Variants in KDM4C observed in about 807,000 individuals in gnomAD.
KDM4C encodes the protein lysine demethylase 4C.
KDM4C carries 81 observed loss-of-function variants against 129.3 expected under a neutral mutation model. The observed-to-expected ratio is 0.63, with a 90% CI of 0.52 to 0.75. The LOEUF is 0.75. KDM4C is among the 30% of genes least tolerant of loss of function. KDM4C has a pLI of 0.00. For synonymous variants in KDM4C, 573 were observed against 456.1 expected (o/e 1.26, Z -3.26); for missense variants, 1,457 against 1,304.0 (o/e 1.12, Z -1.81).
chr9:6,865,340 C>A (rs1841759038), intron 5 of KDM4C, among the ~76,000 whole-genome samples: 1 of 152,078 alleles, frequency 6.6e-6, no homozygotes, highest in Admixed American at 6.6e-5. Context: ...TTCTTGAACT[C>A]CTTTTCTGTG....
At chr9:6,918,605 C>T (rs1198395688) in intron 8 of KDM4C, among the ~76,000 whole-genome samples, 1 of 152,084 alleles carries the variant, frequency 6.6e-6, no homozygotes, top group Non-Finnish European at 1.5e-5. Flanking sequence ...AACAGCTTTC[C>T]ATAGTGGTTG....
intron 8 of KDM4C, among the ~76,000 whole-genome samples, chr9:6,954,967 T>C (rs1828809782): frequency 6.6e-6 from 1 of 152,242 alleles, no homozygotes; most frequent in African/African-American, 2.4e-5. Flanking sequence ...GCAGGAGGCA[T>C]CAGGGACTTT....
chr9:6,944,494 T>C (rs886290401), intron 8 of KDM4C, among the ~76,000 whole-genome samples: 2 of 152,188 alleles, frequency 1.3e-5, no homozygotes, highest in Non-Finnish European at 2.9e-5. Flanking sequence ...TAAATTAGGG[T>C]ATGATCAAAT....
chr9:7,047,140 C>T (rs928002036), intron 16 of KDM4C, among the ~76,000 whole-genome samples: 1 of 151,950 alleles, frequency 6.6e-6, no homozygotes, highest in Non-Finnish European at 1.5e-5. Flanking sequence ...TTGTATTTGA[C>T]ACCATGAAAA....
chr9:6,832,565 A>G (rs1835049270), intron 4 of KDM4C, among the ~76,000 whole-genome samples: 1 of 145,584 alleles, frequency 6.9e-6, no homozygotes, highest in African/African-American at 2.5e-5. Flanking sequence ...AGCTGGGACT[A>G]CAGGCGCCCG....
At chr9:6,851,481 C>T (rs963793241) in intron 5 of KDM4C, among the ~76,000 whole-genome samples, 2 of 152,030 alleles carry the variant, frequency 1.3e-5, no homozygotes, top group Non-Finnish European at 2.9e-5. Context: ...TCTTGATGCT[C>T]TTTCTGACAT....
chr9:7,039,075 T>C (rs897960856), intron 15 of KDM4C, among the ~76,000 whole-genome samples: 2 of 152,058 alleles, frequency 1.3e-5, no homozygotes, highest in East Asian at 3.8e-4. Context: ...AAATGTCTTC[T>C]TAAGGAGCCG....
chr9:7,105,897 A>C (rs1837631207), intron 18 of KDM4C, among the ~76,000 whole-genome samples: 1 of 152,208 alleles, frequency 6.6e-6, no homozygotes, highest in Non-Finnish European at 1.5e-5. Context: ...GGTGATTTAG[A>C]AACTACTGTC....
At chr9:6,767,708 T>C (rs1048301379) in intron 1 of KDM4C, among the ~76,000 whole-genome samples, 1 of 151,590 alleles carries the variant, frequency 6.6e-6, no homozygotes, top group African/African-American at 2.4e-5. Flanking sequence ...TGATGTCCGC[T>C]TCAGCCTTCC....
intron 19 of KDM4C, among the ~76,000 whole-genome samples, chr9:7,142,799 C>A (rs148794196): frequency 6.6e-6 from 1 of 152,094 alleles, no homozygotes; most frequent in African/African-American, 2.4e-5. Context: ...TGGAAATCAC[C>A]GTCTCACCTG....
chr9:6,811,259 T>G (rs994384954), intron 3 of KDM4C, among the ~76,000 whole-genome samples: 1 of 152,116 alleles, frequency 6.6e-6, no homozygotes, highest in Non-Finnish European at 1.5e-5. Context: ...GTTCAAGTGA[T>G]TCTCCTGCCT....
intron 15 of KDM4C, among the ~76,000 whole-genome samples, chr9:7,021,693 C>A (rs952928742): frequency 6.6e-5 from 10 of 152,034 alleles, no homozygotes; most frequent in African/African-American, 2.4e-4. Flanking sequence ...TACTTCGTTG[C>A]CTGTGTTTAT....
chr9:6,744,351 G>A (rs765544533), intron 1 of KDM4C, among the ~76,000 whole-genome samples: 11 of 151,858 alleles, frequency 7.2e-5, no homozygotes, highest in Admixed American at 4.6e-4. Context: ...TGGTGAAACC[G>A]CATCTCTACT....
At chr9:6,986,239 G>T in intron 10 of KDM4C, 105 bp from the exon 11 acceptor site, 1 of 731,914 alleles carries the variant, frequency 1.4e-6, no homozygotes, top group Non-Finnish European at 2.2e-6. Context: ...GCGCATGCGT[G>T]TGTATGTGTG....
chr9:6,919,271 CTG>C (rs1820976163), intron 8 of KDM4C, among the ~76,000 whole-genome samples: 2 of 85,950 alleles, frequency 2.3e-5, no homozygotes, highest in Admixed American at 2.1e-4. Flanking sequence ...TTCTTTCTTT[CTG>C]TCTCTCTCTC....
intron 5 of KDM4C, among the ~76,000 whole-genome samples, chr9:6,873,871 T>C (rs544791154): frequency 2.1e-4 from 32 of 151,792 alleles, no homozygotes; most frequent in Non-Finnish European, 3.8e-4. Context: ...ATGAGAGGCA[T>C]GGAGCTCTTC....
chr9:6,728,265 G>T (rs1327829895), intron 1 of KDM4C, among the ~76,000 whole-genome samples: 4 of 152,276 alleles, frequency 2.6e-5, no homozygotes, highest in South Asian at 2.1e-4. Flanking sequence ...GCCGGATGTG[G>T]TGGCTCACGC....
intron 14 of KDM4C, 86 bp from the exon 15 acceptor site, chr9:7,015,767 C>T: frequency 1.1e-6 from 1 of 885,556 alleles, no homozygotes; most frequent in East Asian, 2.6e-5. Context: ...GCTAGTGTCC[C>T]ATTTTTATTT....
intron 4 of KDM4C, among the ~76,000 whole-genome samples, chr9:6,826,527 T>A (rs1386329193): frequency 6.6e-6 from 1 of 152,190 alleles, no homozygotes; most frequent in Non-Finnish European, 1.5e-5. Context: ...CCATTGTGAA[T>A]GCTTTCCCAT....
Sources: allele counts gnomAD v4.1 joint callset (sites outside exome capture counted in the v4.1 genomes callset), GRCh38; gene constraint gnomAD v4.1.1; transcripts MANE v1.5; gene names NCBI Gene and HGNC (gene_info 2026-07-23, HGNC 2026-07-21).